Variants in SNX18 observed in about 807,000 individuals in gnomAD.
The protein encoded by SNX18 is sorting nexin 18.
SNX18 carries 35 observed loss-of-function variants against 48.7 expected under a neutral mutation model. The observed-to-expected ratio is 0.72, with a 90% CI of 0.55 to 0.95. The LOEUF is 0.95. Ranked by LOEUF, SNX18 falls within the 40% of genes least tolerant of loss-of-function variation. SNX18 has a pLI of 0.00. For missense variants in SNX18, 824 were observed against 871.0 expected, an observed-to-expected ratio of 0.95 and a Z score of 0.68; for synonymous variants, 492 against 384.7, an observed-to-expected ratio of 1.28 and a Z score of -3.26.
At chr5:54,607,556 T>C in the SNX18 span, among the ~76,000 whole-genome samples, 1 of 152,222 alleles carries the variant, frequency 6.6e-6, no homozygotes, top group Non-Finnish European at 1.5e-5. Flanking sequence ...TAGTATTCCA[T>C]GGTAGGTATG....
At chr5:54,527,285 C>A (rs953925499) in intron 1 of SNX18, among the ~76,000 whole-genome samples, 1 of 151,886 alleles carries the variant, frequency 6.6e-6, no homozygotes, top group Non-Finnish European at 1.5e-5. Context: ...GTAGGAAATA[C>A]TCCAGTAATC....
At chr5:54,619,056 T>C in the SNX18 span, among the ~76,000 whole-genome samples, 2 of 152,152 alleles carry the variant, frequency 1.3e-5, no homozygotes, top group Non-Finnish European at 1.5e-5. Flanking sequence ...TAATTAGGCA[T>C]AGACAGGTTT....
At chr5:54,551,109 A>G (rs1326463242), downstream of SNX18, among the ~76,000 whole-genome samples, 2 of 152,144 alleles carry the variant, frequency 1.3e-5, no homozygotes, top group African/African-American at 2.4e-5. Context: ...AAAGATGTCA[A>G]AAGGTGGGTG....
the SNX18 span, among the ~76,000 whole-genome samples, chr5:54,615,778 C>T: frequency 3.0e-4 from 46 of 152,270 alleles, no homozygotes; most frequent in African/African-American, 1.1e-3. Context: ...TTATTTGTAT[C>T]TTCAATAACA....
the SNX18 span, among the ~76,000 whole-genome samples, chr5:54,579,631 C>T: frequency 2.6e-5 from 4 of 152,132 alleles, no homozygotes; most frequent in Non-Finnish European, 5.9e-5. Context: ...ATGTGAGAGT[C>T]TAGTAAACAG....
At chr5:54,600,630 A>G in the SNX18 span, among the ~76,000 whole-genome samples, 1 of 152,244 alleles carries the variant, frequency 6.6e-6, no homozygotes, top group Admixed American at 6.5e-5. Context: ...TAAATATACC[A>G]TGGAATACTA....
chr5:54,575,368 CTT>C, the SNX18 span, among the ~76,000 whole-genome samples: 20,433 of 110,574 alleles, frequency 0.18, 1,072 homozygotes, highest in African/African-American at 0.21. Context: ...CTCCCCACTG[CTT>C]TTTTTTTTTT....
chr5:54,520,055 G>A (rs1761988438), intron 1 of SNX18: 1 of 471,924 alleles, frequency 2.1e-6, no homozygotes. Flanking sequence ...TGCTTTGGTA[G>A]AGGAATTAAG....
At chr5:54,555,638 C>A in the SNX18 span, among the ~76,000 whole-genome samples, 1 of 151,844 alleles carries the variant, frequency 6.6e-6, no homozygotes, top group Admixed American at 6.6e-5. Flanking sequence ...AATTCAAGGC[C>A]AACACAGTGA....
At chr5:54,581,999 T>C in the SNX18 span, among the ~76,000 whole-genome samples, 5 of 152,176 alleles carry the variant, frequency 3.3e-5, no homozygotes, top group Non-Finnish European at 2.9e-5. Context: ...CAGAGTTTCA[T>C]CTGGAATATG....
chr5:54,557,204 G>T, the SNX18 span, among the ~76,000 whole-genome samples: 2 of 152,134 alleles, frequency 1.3e-5, no homozygotes, highest in African/African-American at 4.8e-5. Context: ...TACACCCAAT[G>T]CATGTCAGGC....
chr5:54,528,909 C>A (rs1762198625), intron 1 of SNX18, among the ~76,000 whole-genome samples: 1 of 152,162 alleles, frequency 6.6e-6, no homozygotes, highest in Non-Finnish European at 1.5e-5. Flanking sequence ...GAAAATGGGG[C>A]CCCACCCTGG....
chr5:54,643,924 G>C, the SNX18 span: 1 of 152,268 alleles, frequency 6.6e-6, no homozygotes, highest in Non-Finnish European at 1.5e-5. Flanking sequence ...AAACGTGAGT[G>C]CTCAGGCCGA....
the SNX18 span, among the ~76,000 whole-genome samples, chr5:54,632,000 T>C: frequency 2.0e-5 from 3 of 152,176 alleles, no homozygotes; most frequent in African/African-American, 4.8e-5. Context: ...GCACCTCTTC[T>C]ACTGGGGAAC....
At chr5:54,628,627 C>T in the SNX18 span, among the ~76,000 whole-genome samples, 1 of 152,184 alleles carries the variant, frequency 6.6e-6, no homozygotes, top group Non-Finnish European at 1.5e-5. Flanking sequence ...GCAGCTGCCC[C>T]CAGGAAGGTG....
downstream of SNX18, among the ~76,000 whole-genome samples, chr5:54,547,299 A>C (rs1762592223): frequency 6.6e-6 from 1 of 152,256 alleles, no homozygotes; most frequent in Non-Finnish European, 1.5e-5. Context: ...ACCTATGAGG[A>C]AGATAATATC....
intron 1 of SNX18, among the ~76,000 whole-genome samples, chr5:54,538,184 CA>C (rs913878356): frequency 6.6e-6 from 1 of 152,206 alleles, no homozygotes; most frequent in African/African-American, 2.4e-5. Context: ...TCATTTGTAA[CA>C]AAACCCAGAT....
At chr5:54,528,138 A>G (rs1762170988) in intron 1 of SNX18, among the ~76,000 whole-genome samples, 1 of 87,190 alleles carries the variant, frequency 1.1e-5, no homozygotes, top group African/African-American at 3.9e-5. Flanking sequence ...ATACACGCAC[A>G]TACACACACA....
At chr5:54,592,333 A>G in the SNX18 span, among the ~76,000 whole-genome samples, 10 of 152,178 alleles carry the variant, frequency 6.6e-5, no homozygotes, top group South Asian at 2.1e-4. Context: ...GATGGGTGTT[A>G]CAGAGGTGCC....
Sources: allele counts gnomAD v4.1 joint callset (sites outside exome capture counted in the v4.1 genomes callset), GRCh38; gene constraint gnomAD v4.1.1; transcripts MANE v1.5; gene names NCBI Gene and HGNC (gene_info 2026-07-23, HGNC 2026-07-21).